The following PDLIM3 variants were observed in gnomAD, a reference collection of about 807,000 sequenced individuals.
The protein encoded by PDLIM3 is PDZ and LIM domain protein 3.
Under a neutral mutation model 37.3 loss-of-function variants are expected in PDLIM3, and 36 were observed. The observed-to-expected ratio is 0.97, with a 90% CI of 0.74 to 1.28. The LOEUF (loss-of-function observed/expected upper bound fraction) is 1.28, where lower values mean the gene tolerates loss of function less well. Among genes scored for constraint, PDLIM3 ranks in the 50% most tolerant of loss-of-function variants. The pLI is 0.00. For missense variants in PDLIM3, 454 were observed against 485.0 expected (o/e 0.94, Z 0.60); for synonymous variants, 174 against 182.4 (o/e 0.95, Z 0.37).
rs1202834786 is a variant in PDLIM3, at chr4:185,500,738, T to C, written c.*1556A>G. 1.3e-5 allele frequency: 2 copies of C among 152,252 alleles called. No individual in the cohort carries two copies. Among genetic ancestry groups the C allele is most frequent in the Non-Finnish European group, 2.9e-5 (2 of 68,048 alleles). The allele number at this position is 152,252 out of a possible 1,614,324, so 9.4% of individuals were successfully genotyped here. A position where few individuals can be genotyped will look rare whatever the true frequency, so the allele number is the denominator to read the frequency against. ...GCATGTGTTGGCACAGGAGTTGCAA[T>C]GTCAAATGCCTACAGGGGCCAGGCA... On this transcript the variant is annotated 3_prime_UTR_variant, in exon 8 of 8. Coordinates refer to ENST00000284767, the MANE Select transcript of PDLIM3 (RefSeq NM_014476.6).
rs1399455647 is a variant in PDLIM3 at position 185,508,350 on chromosome 4, T to C, written c.611A>G (p.Glu204Gly). ...MQLYSDDNIM[E>G]TLQGQVSTAL... ...TGTTGAAACCTGACCCTGGAGTGTT[T>C]CCATAATATTGTCATCTGAGTACAA... The change falls in exon 5 of 8, where the codon GAA (glutamate) becomes GGA (glycine). Residue 204 changes from glutamate (E) to glycine (G), a missense_variant. Glu to Gly is a moderately conservative substitution (Grantham distance 98). Coordinates refer to ENST00000284767, the MANE Select transcript of PDLIM3 (RefSeq NM_014476.6). The C allele has an allele frequency of 8.1e-6, 13 of 1,614,032 alleles. No homozygotes were observed. The highest frequency in any genetic ancestry group is 9.3e-6 in the Non-Finnish European group (11 of 1,179,996).
In PDLIM3 at chr4:185,514,232, G is replaced by A; in HGVS notation, c.398+38C>T. ...TGATTAGTAAGAACTGATTTAAGAA[G>A]CATGCACTGCAAACTCCACAGTCTC... On this transcript the variant is annotated intron_variant, in intron 4 of 7. Transcript: ENST00000284767. The surrounding 1 kb of genome is among the most constrained non-coding windows in gnomAD (Gnocchi z 4.0). 1 of 1,614,180 alleles carries A rather than the reference G, an allele frequency of 6.2e-7. No individual in the cohort carries two copies. The highest frequency in any genetic ancestry group is 1.1e-5 in the South Asian group (1 of 91,082).
rs542863233 is a variant in PDLIM3, at chr4:185,524,101, C to T, written c.246-655G>A. Among the ~76,000 whole-genome samples the T allele has an allele frequency of 2.6e-5, 4 of 152,198 alleles. No individual in the cohort carries two copies. The East Asian group carries it at 7.7e-4, about 29-fold the overall frequency. ...GCTCCCTAGACCTCCCTACTTCCCT[C>T]CAGTCCTACTGAGGCCACTGCAGAA... is the stretch of plus-strand genomic sequence containing the variant. On this transcript the variant is annotated intron_variant, in intron 2 of 7. Coordinates refer to ENST00000284767, the MANE Select transcript of PDLIM3 (RefSeq NM_014476.6).
chr4:185,514,878 T>C lies in PDLIM3; in HGVS notation c.331-541A>G. The C allele has an allele frequency of 6.4e-7, 1 of 1,550,986 alleles. No homozygotes were observed. The highest frequency in any genetic ancestry group is 8.7e-7 in the Non-Finnish European group (1 of 1,146,742). ...GCCCTTCTGTTGTGCGCGGTACCAATGGGTTTGAATTCCTGTACAATGGCA... is the reference window on the plus strand; with the variant it reads ...GCCCTTCTGTTGTGCGCGGTACCAACGGGTTTGAATTCCTGTACAATGGCA... On this transcript the variant is annotated intron_variant, in intron 3 of 7. Transcript: ENST00000284767. This position sits in a 1 kb window ranked among gnomAD's most constrained non-coding sequence, Gnocchi z 4.0.
At position 185,506,618 on chromosome 4, in the gene PDLIM3, C is replaced by A; in HGVS notation, c.697G>T (p.Val233Leu). 1.9e-6 allele frequency: 3 copies of A among 1,609,282 alleles called. No individual in the cohort carries two copies. The highest frequency in any genetic ancestry group is 2.5e-6 in the Non-Finnish European group (3 of 1,179,980). The change falls in exon 6 of 8, where the codon GTG (valine) becomes TTG (leucine). Residue 233 changes from valine (V) to leucine (L), a missense_variant. Physicochemically the swap from Val to Leu is conservative, Grantham distance 32. Transcript: ENST00000284767. ...PTASVPPESD[V>L]YRMLHDNRNE... ...CGATTGTCGTGGAGCATCCGGTACA[C>A]GTCCGACTCGGGGGGCACCGAGGCT...
chr4:185,508,803 A>AT lies in PDLIM3; in HGVS notation c.399-242dup, dbSNP rs2095702188. 3.9e-5 allele frequency among the ~76,000 whole-genome samples: 6 copies of AT among 152,324 alleles called. No homozygotes were observed. The South Asian group carries it at 1.2e-3, about 32-fold the overall frequency. On this transcript the variant is annotated intron_variant, in intron 4 of 7. Coordinates refer to ENST00000284767, the MANE Select transcript of PDLIM3 (RefSeq NM_014476.6). ...AATTAAAAGGTACAGGTGATACTGC[A>AT]TTTTTTGGCTCTGTTTCACTAGGCA...
chr4:185,503,256 C>T (rs1388335000), intron 7 of PDLIM3, among the ~76,000 whole-genome samples: 3 of 151,772 alleles, frequency 2.0e-5, no homozygotes, highest in Admixed American at 1.3e-4. Flanking sequence ...AAAAACAAAA[C>T]AAAACAAAAA....
chr4:185,503,685 C>T (rs1248056518), intron 7 of PDLIM3, among the ~76,000 whole-genome samples: 1 of 152,220 alleles, frequency 6.6e-6, no homozygotes, highest in Non-Finnish European at 1.5e-5. Context: ...CGGTGGCTCA[C>T]ACTTGTAATC....
intron 6 of PDLIM3, among the ~76,000 whole-genome samples, chr4:185,505,515 G>A (rs2153331885): frequency 6.6e-6 from 1 of 152,226 alleles, no homozygotes; most frequent in East Asian, 1.9e-4. Context: ...CATCTACTTG[G>A]GAGGCTGAGG....
chr4:185,508,800 T>C (rs1244393631), intron 4 of PDLIM3, among the ~76,000 whole-genome samples: 2 of 152,254 alleles, frequency 1.3e-5, no homozygotes, highest in East Asian at 1.9e-4. Context: ...CAGGTGATAC[T>C]GCATTTTTTG....
chr4:185,511,057 A>G (rs983152227), intron 4 of PDLIM3, among the ~76,000 whole-genome samples: 7 of 152,208 alleles, frequency 4.6e-5, no homozygotes, highest in African/African-American at 1.7e-4. Context: ...ACACTCAATT[A>G]CTTCATGCCC....
intron 6 of PDLIM3, among the ~76,000 whole-genome samples, chr4:185,505,353 G>C (rs980645911): frequency 1.3e-5 from 2 of 152,234 alleles, no homozygotes; most frequent in African/African-American, 4.8e-5. Flanking sequence ...GCTGGGCGTG[G>C]TGGCTCACGC....
At position 185,529,937 on chromosome 4, in the gene PDLIM3, C is replaced by G. The variant is rs563478339; in HGVS notation, c.94-4766G>C. Among the ~76,000 whole-genome samples the G allele has an allele frequency of 1.6e-4, 25 of 152,280 alleles. No individual in the cohort carries two copies. In the South Asian group the frequency reaches 3.7e-3, roughly 23 times the overall value. On this transcript the variant is annotated intron_variant, in intron 1 of 7. Transcript: ENST00000284767. The stretch of plus-strand genomic sequence containing the variant: ...ATTGCCTCTCCTGCAGGTAATCTTT[C>G]CTTCAACACCTCCTAGCTCTTTGAC...
At chr4:185,534,057 C>T (rs755796211) in intron 1 of PDLIM3, among the ~76,000 whole-genome samples, 3 of 152,094 alleles carry the variant, frequency 2.0e-5, no homozygotes, top group Admixed American at 6.5e-5. Context: ...TACTTAGGAA[C>T]GTTTTTGGGG....
chr4:185,529,294 A>G (rs1020637221), intron 1 of PDLIM3, among the ~76,000 whole-genome samples: 2 of 152,200 alleles, frequency 1.3e-5, no homozygotes, highest in African/African-American at 4.8e-5. Context: ...TGTTATTCAC[A>G]TCAACTTATA....
intron 1 of PDLIM3, among the ~76,000 whole-genome samples, chr4:185,531,947 A>AAT (rs2095745228): frequency 1.3e-5 from 2 of 150,798 alleles, no homozygotes; most frequent in Non-Finnish European, 3.0e-5. Context: ...AAAAAAAAAA[A>AAT]ATTAGCTGGG....
chr4:185,530,223 C>T (rs2095741649), intron 1 of PDLIM3, among the ~76,000 whole-genome samples: 1 of 152,212 alleles, frequency 6.6e-6, no homozygotes, highest in Non-Finnish European at 1.5e-5. Context: ...TTTACATCAA[C>T]CTTTCCACTA....
Position 185,514,696 on chromosome 4 carries a change from T to C in PDLIM3, c.331-359A>G, listed in dbSNP as rs1021353573. 2 of 1,551,462 alleles carry C rather than the reference T, an allele frequency of 1.3e-6. No homozygotes were observed. Among genetic ancestry groups the C allele is most frequent in the Admixed American group, 2.0e-5 (1 of 50,968 alleles). On this transcript the variant is annotated intron_variant, in intron 3 of 7. Coordinates refer to ENST00000284767, the MANE Select transcript of PDLIM3 (RefSeq NM_014476.6). This position sits in a 1 kb window ranked among gnomAD's most constrained non-coding sequence, Gnocchi z 4.0. ...ACACTGTGGCCAGAACAGAGCCGGA[T>C]ACTTACTTTTGAGGTGAGCTAGGAA... is the stretch of plus-strand genomic sequence containing the variant.
chr4:185,514,110 T>C lies in PDLIM3; in HGVS notation c.398+160A>G. Reference sequence around the variant, plus strand: ...TCTTGGAAATGCAAGTTATTTGGCTTCTGTTCTCTGCCAAGTGAGTTTGTT... The same window carrying C: ...TCTTGGAAATGCAAGTTATTTGGCTCCTGTTCTCTGCCAAGTGAGTTTGTT... On this transcript the variant is annotated intron_variant, in intron 4 of 7. Transcript: ENST00000284767. This position sits in a 1 kb window ranked among gnomAD's most constrained non-coding sequence, Gnocchi z 4.0. The C allele has an allele frequency of 6.6e-7, 1 of 1,520,308 alleles. No homozygotes were observed. Among genetic ancestry groups the C allele is most frequent in the Non-Finnish European group, 8.8e-7 (1 of 1,136,176 alleles). The allele number at this position is 1,520,308 out of a possible 1,614,324, so 94.2% of individuals were successfully genotyped here.
Sources: allele counts gnomAD v4.1 joint callset (sites outside exome capture counted in the v4.1 genomes callset), GRCh38; gene constraint gnomAD v4.1.1; non-coding constraint Gnocchi (gnomAD v3.1); transcripts MANE v1.5; gene names NCBI Gene and HGNC (gene_info 2026-07-23, HGNC 2026-07-21).